The following NDRG3 variants were observed in gnomAD, a reference collection of about 807,000 sequenced individuals.
NDRG3 encodes protein NDRG3.
In NDRG3, 23 loss-of-function variants were observed where a neutral mutation model predicts 57.2. The ratio of observed to expected loss-of-function variants is 0.40; its 90% confidence interval spans 0.29 to 0.57. The LOEUF (loss-of-function observed/expected upper bound fraction) is 0.57. Among genes scored for constraint, NDRG3 ranks in the 20% least tolerant of loss-of-function variants. The probability of loss-of-function intolerance (pLI) is 0.42; values close to 1 mark genes in which losing one functional copy is unlikely to be tolerated. For synonymous variants in NDRG3, 132 were observed against 162.6 expected, an observed-to-expected ratio of 0.81 and a Z score of 1.43; for missense variants, 384 against 457.3, an observed-to-expected ratio of 0.84 and a Z score of 1.46.
At position 36,652,350 on chromosome 20, in the gene NDRG3, T is replaced by C. The variant is rs1275853480; in HGVS notation, c.*1170A>G. The C allele has an allele frequency of 6.6e-6, 1 of 151,842 alleles. No homozygotes were observed. The highest frequency in any genetic ancestry group is 2.4e-5 in the African/African-American group (1 of 41,250). The allele number at this position is 151,842 out of a possible 1,614,324, so 9.4% of individuals were successfully genotyped here. ...ATCGCTTGAACCCAGGGGGCAGAGG[T>C]TGCAGTGAGCCAAGTTTGCGCCATT... On this transcript the variant is annotated 3_prime_UTR_variant, in exon 16 of 16. Coordinates refer to ENST00000349004, the MANE Select transcript of NDRG3 (RefSeq NM_032013.4).
chr20:36,663,971 C>T (rs962702153), intron 12 of NDRG3, among the ~76,000 whole-genome samples: 5 of 151,926 alleles, frequency 3.3e-5, no homozygotes, highest in Admixed American at 6.6e-5. Context: ...CCACTACACC[C>T]GGCTAATTTT....
chr20:36,727,687 G>T (rs992541952), intron 1 of NDRG3, among the ~76,000 whole-genome samples: 2 of 150,162 alleles, frequency 1.3e-5, no homozygotes, highest in Non-Finnish European at 3.0e-5. Context: ...GACTACAGGC[G>T]CCCGCCACCA....
At chr20:36,721,301 C>T (rs1024147252) in intron 2 of NDRG3, among the ~76,000 whole-genome samples, 2 of 151,618 alleles carry the variant, frequency 1.3e-5, no homozygotes, top group Non-Finnish European at 2.9e-5. Flanking sequence ...GAGGCCATGG[C>T]GGGAGGATCA....
At chr20:36,670,419 A>G (rs180928257) in intron 9 of NDRG3, among the ~76,000 whole-genome samples, 196 of 152,296 alleles carry the variant, frequency 1.3e-3, no homozygotes, top group Admixed American at 0.011. Context: ...ACTCTAAAAT[A>G]TATGTGAATT....
At chr20:36,689,644 C>T (rs907113229) in intron 3 of NDRG3, among the ~76,000 whole-genome samples, 1 of 151,620 alleles carries the variant, frequency 6.6e-6, no homozygotes, top group Non-Finnish European at 1.5e-5. Context: ...CATAAACTTA[C>T]GGCCATAGCT....
At chr20:36,697,343 C>T (rs779642767) in intron 3 of NDRG3, among the ~76,000 whole-genome samples, 1 of 152,182 alleles carries the variant, frequency 6.6e-6, no homozygotes, top group South Asian at 2.1e-4. Flanking sequence ...GCTCATTTCT[C>T]TTCCTTACTA....
chr20:36,700,696 C>T, intron 3 of NDRG3: 3 of 321,914 alleles, frequency 9.3e-6, no homozygotes, highest in Non-Finnish European at 1.8e-5. Flanking sequence ...TCAAAGAGCA[C>T]AGTCTAAGGG....
chr20:36,714,982 C>CTG lies in NDRG3; in HGVS notation c.57+6695_57+6696dup, dbSNP rs374158525. On this transcript the variant is annotated intron_variant, in intron 2 of 15. Coordinates refer to ENST00000349004, the MANE Select transcript of NDRG3 (RefSeq NM_032013.4). ...AGGGATAAGAATGAAAATCCTATAT[C>CTG]TGTGTGTGTGTGTGTGTGTGTGTGT... Among the ~76,000 whole-genome samples the CTG allele has an allele frequency of 3.4e-3, 173 of 50,198 alleles. 2 individuals carry two copies. Among genetic ancestry groups the CTG allele is most frequent in the African/African-American group, 5.6e-3 (94 of 16,746 alleles). The allele number at this position is 50,198 out of a possible 152,430, so 32.9% of individuals were successfully genotyped here.
intron 3 of NDRG3, 78 bp from the exon 4 acceptor site, chr20:36,688,862 T>C (rs1290756579): frequency 1.0e-6 from 1 of 996,936 alleles, no homozygotes; most frequent in Non-Finnish European, 1.6e-6. Context: ...ATACCTGCTT[T>C]ACCACCGTTT....
At chr20:36,668,320 T>C (rs1444859729) in intron 9 of NDRG3, among the ~76,000 whole-genome samples, 1 of 152,216 alleles carries the variant, frequency 6.6e-6, no homozygotes, top group Admixed American at 6.5e-5. Flanking sequence ...CTACACTTGC[T>C]TTCCCTTGTA....
At chr20:36,676,461 TTTG>T (rs1980719338) in intron 8 of NDRG3, among the ~76,000 whole-genome samples, 1 of 152,098 alleles carries the variant, frequency 6.6e-6, no homozygotes, top group East Asian at 2.0e-4. Context: ...TTGTTTGTTT[TTTG>T]TTTTGTTTTG....
intron 1 of NDRG3, among the ~76,000 whole-genome samples, chr20:36,738,392 G>A (rs1239247955): frequency 6.6e-6 from 1 of 151,554 alleles, no homozygotes; most frequent in Non-Finnish European, 1.5e-5. Flanking sequence ...CTACACGAGA[G>A]ACTGAGGCAG....
chr20:36,743,713 G>C (rs1415283780), intron 1 of NDRG3, among the ~76,000 whole-genome samples: 1 of 148,836 alleles, frequency 6.7e-6, no homozygotes, highest in African/African-American at 2.5e-5. Flanking sequence ...AGCTGCTCAG[G>C]AGGCTGAGGC....
chr20:36,722,536 C>T (rs546072675), intron 1 of NDRG3, among the ~76,000 whole-genome samples: 4 of 152,290 alleles, frequency 2.6e-5, no homozygotes, highest in African/African-American at 9.6e-5. Flanking sequence ...AAACAACATA[C>T]TCAAAACTAT....
chr20:36,735,911 T>C (rs570113130), intron 1 of NDRG3, among the ~76,000 whole-genome samples: 2 of 147,614 alleles, frequency 1.4e-5, no homozygotes, highest in South Asian at 2.2e-4. Flanking sequence ...GGGGTGGAGG[T>C]TGCAGTGAGC....
In NDRG3 at chr20:36,660,398, A is replaced by G; in HGVS notation, c.811-14T>C. ...ATTGCATTCGACCTAAAATTTAAAA[A>G]AAGAGAAGAAAATAATTTTATGAGT... is the stretch of plus-strand genomic sequence containing the variant. On this transcript the variant is annotated splice_polypyrimidine_tract_variant and intron_variant, in intron 12 of 15. Transcript: ENST00000349004. 1 of 1,603,738 alleles carries G rather than the reference A, an allele frequency of 6.2e-7. No individual in the cohort carries two copies. Among genetic ancestry groups the G allele is most frequent in the Non-Finnish European group, 8.5e-7 (1 of 1,172,426 alleles).
chr20:36,715,004 GTGTATATATATATATATA>G (rs1290371547), intron 2 of NDRG3, among the ~76,000 whole-genome samples: 432 of 32,458 alleles, frequency 0.013, 4 homozygotes, highest in African/African-American at 0.04. Flanking sequence ...GTGTGTGTGT[GTGTATATATATATATATA>G]TATATATATA....
chr20:36,741,487 T>G (rs2148235807), intron 1 of NDRG3, among the ~76,000 whole-genome samples: 1 of 152,320 alleles, frequency 6.6e-6, no homozygotes. Context: ...GATTCTTATT[T>G]TTCTTTCATT....
chr20:36,725,188 T>C (rs1424711670), intron 1 of NDRG3, among the ~76,000 whole-genome samples: 1 of 151,690 alleles, frequency 6.6e-6, no homozygotes, highest in African/African-American at 2.4e-5. Flanking sequence ...TCCCAGCTAC[T>C]CAGGAGGCTG....
Sources: gnomAD v4.1 joint callset for allele counts (sites outside exome capture counted in the v4.1 genomes callset) on GRCh38, gnomAD v4.1.1 for gene constraint, MANE v1.5 for transcripts, NCBI Gene and HGNC (gene_info 2026-07-23, HGNC 2026-07-21) for gene names.